Variants in GRIK3 observed in about 807,000 individuals in gnomAD.
GRIK3 encodes glutamate ionotropic receptor kainate type subunit 3.
In GRIK3, 29 loss-of-function variants were observed where a neutral mutation model predicts 102.5. The observed-to-expected ratio is 0.28, with a 90% CI of 0.21 to 0.39. The LOEUF (loss-of-function observed/expected upper bound fraction) is 0.39. Among genes scored for constraint, GRIK3 ranks in the 10% least tolerant of loss-of-function variants. The pLI is 1.00. For missense variants in GRIK3, 908 were observed against 1,252.4 expected, an observed-to-expected ratio of 0.73 and a Z score of 4.15; for synonymous variants, 511 against 504.9, an observed-to-expected ratio of 1.01 and a Z score of -0.16.
At chr1:36,824,108 T>G (rs1642727145) in intron 11 of GRIK3, among the ~76,000 whole-genome samples, 2 of 152,226 alleles carry the variant, frequency 1.3e-5, no homozygotes, top group Admixed American at 1.3e-4. Flanking sequence ...AACCCATCTC[T>G]TCTAGAAAGT....
At chr1:36,932,930 T>C (rs1024838630) in intron 1 of GRIK3, among the ~76,000 whole-genome samples, 3 of 152,218 alleles carry the variant, frequency 2.0e-5, no homozygotes, top group Non-Finnish European at 4.4e-5. Flanking sequence ...GAAGAGGTCA[T>C]GGAGAACCCC....
intron 1 of GRIK3, among the ~76,000 whole-genome samples, chr1:36,953,410 G>T (rs1641868223): frequency 6.6e-6 from 1 of 152,160 alleles, no homozygotes; most frequent in Admixed American, 6.5e-5. Flanking sequence ...TGAAGGGCAG[G>T]AGTCATCCTA....
chr1:36,826,596 G>A (rs1454465218), intron 10 of GRIK3, among the ~76,000 whole-genome samples: 3 of 151,802 alleles, frequency 2.0e-5, no homozygotes, highest in Non-Finnish European at 4.4e-5. Flanking sequence ...ATCTCTTGAG[G>A]CTGGGAGGTA....
intron 1 of GRIK3, among the ~76,000 whole-genome samples, chr1:36,903,744 T>C (rs1178458611): frequency 6.6e-6 from 1 of 152,226 alleles, no homozygotes; most frequent in Non-Finnish European, 1.5e-5. Flanking sequence ...TGATTTCAAC[T>C]ACTGACATTC....
intron 1 of GRIK3, among the ~76,000 whole-genome samples, chr1:36,909,111 T>C (rs1314689031): frequency 1.3e-5 from 2 of 152,090 alleles, no homozygotes; most frequent in Non-Finnish European, 2.9e-5. Flanking sequence ...AACTACAAAG[T>C]GGCAAAATTC....
At chr1:36,988,430 C>G (rs143312933) in intron 1 of GRIK3, among the ~76,000 whole-genome samples, 34 of 152,382 alleles carry the variant, frequency 2.2e-4, no homozygotes, top group African/African-American at 8.2e-4. Flanking sequence ...CAGGAAGAAG[C>G]ATCTGCAGGC....
chr1:36,864,232 G>A (rs1364355720), intron 5 of GRIK3, among the ~76,000 whole-genome samples: 1 of 152,126 alleles, frequency 6.6e-6, no homozygotes, highest in Admixed American at 6.5e-5. Flanking sequence ...AACTGCCTGG[G>A]GTGGAGGATG....
intron 1 of GRIK3, among the ~76,000 whole-genome samples, chr1:36,901,724 A>C (rs1012917269): frequency 6.6e-6 from 1 of 152,218 alleles, no homozygotes; most frequent in African/African-American, 2.4e-5. Flanking sequence ...TAGCAAATGC[A>C]ATAAGGCAAG....
intron 1 of GRIK3, among the ~76,000 whole-genome samples, chr1:36,937,963 A>G (rs1055668751): frequency 1.3e-5 from 2 of 152,180 alleles, no homozygotes; most frequent in African/African-American, 4.8e-5. Context: ...GCCTTTATAC[A>G]TTCTTTTGGT....
intron 1 of GRIK3, among the ~76,000 whole-genome samples, chr1:36,962,436 C>G (rs1642021699): frequency 1.3e-5 from 2 of 152,006 alleles, no homozygotes; most frequent in East Asian, 3.9e-4. Flanking sequence ...ATCTCAGCCC[C>G]ACGCCGCTTT....
At chr1:36,826,588 C>T (rs1393934758) in intron 10 of GRIK3, among the ~76,000 whole-genome samples, 1 of 151,616 alleles carries the variant, frequency 6.6e-6, no homozygotes, top group African/African-American at 2.4e-5. Context: ...GGATCTCTAT[C>T]TCTTGAGGCT....
chr1:36,827,443 G>A (rs902528391), intron 10 of GRIK3, among the ~76,000 whole-genome samples: 7 of 152,088 alleles, frequency 4.6e-5, no homozygotes, highest in African/African-American at 1.4e-4. Flanking sequence ...GGCAAGGGGG[G>A]ACCTCCCTCT....
At chr1:37,012,806 T>A (rs900729857) in intron 1 of GRIK3, among the ~76,000 whole-genome samples, 37 of 152,216 alleles carry the variant, frequency 2.4e-4, no homozygotes, top group Non-Finnish European at 4.6e-4. Context: ...TTTCTTCATG[T>A]GCAAACTGGG....
At chr1:36,962,043 A>G (rs937827527) in intron 1 of GRIK3, among the ~76,000 whole-genome samples, 1 of 152,178 alleles carries the variant, frequency 6.6e-6, no homozygotes, top group Non-Finnish European at 1.5e-5. Context: ...AAGACACAGA[A>G]AAATTCAAAA....
chr1:36,883,774 A>G (rs145126226), intron 2 of GRIK3, among the ~76,000 whole-genome samples: 86 of 152,338 alleles, frequency 5.6e-4, no homozygotes, highest in African/African-American at 1.8e-3. Context: ...AGGATGGTCC[A>G]GATTGATCCA....
At chr1:36,916,283 A>G (rs148993284) in intron 1 of GRIK3, among the ~76,000 whole-genome samples, 237 of 152,320 alleles carry the variant, frequency 1.6e-3, no homozygotes, top group Admixed American at 3.7e-3. Context: ...GGGTGCTGTT[A>G]AAGGCACTGA....
intron 1 of GRIK3, among the ~76,000 whole-genome samples, chr1:36,998,806 A>AGTAAGGAG (rs1296299088): frequency 2.6e-5 from 4 of 152,122 alleles, no homozygotes; most frequent in African/African-American, 9.7e-5. Flanking sequence ...AGTAAGGAGG[A>AGTAAGGAG]GCATAGCAAG....
intron 5 of GRIK3, among the ~76,000 whole-genome samples, chr1:36,861,556 A>C (rs567920718): frequency 2.6e-5 from 4 of 152,258 alleles, no homozygotes; most frequent in Admixed American, 1.3e-4. Context: ...TAGTGAAATC[A>C]ACAATGACTC....
At position 37,019,990 on chromosome 1, in the gene GRIK3, C is replaced by T. The variant is rs542657262; in HGVS notation, c.115+14004G>A. 3.3e-5 allele frequency among the ~76,000 whole-genome samples: 5 copies of T among 152,278 alleles called. No individual in the cohort carries two copies. In the East Asian group the frequency reaches 5.8e-4, roughly 18 times the overall value. On this transcript the variant is annotated intron_variant, in intron 1 of 15. Coordinates refer to ENST00000373091, the MANE Select transcript of GRIK3 (RefSeq NM_000831.4). Reference sequence around the variant, plus strand: ...AATCCTTGGGGTCCATTTGCCTAAACCTCATTTCTTGTTCAGAGGCAAATT... The same window carrying T: ...AATCCTTGGGGTCCATTTGCCTAAATCTCATTTCTTGTTCAGAGGCAAATT...
Sources: gnomAD v4.1 joint callset for allele counts (sites outside exome capture counted in the v4.1 genomes callset) on GRCh38, gnomAD v4.1.1 for gene constraint, MANE v1.5 for transcripts, NCBI Gene and HGNC (gene_info 2026-07-23, HGNC 2026-07-21) for gene names.